The following ADGRB1 variants were observed in gnomAD, a reference collection of about 807,000 sequenced individuals.
ADGRB1 encodes adhesion G protein-coupled receptor B1, also known as brain-specific angiogenesis inhibitor 1.
Under a neutral mutation model 175.7 loss-of-function variants are expected in ADGRB1, and 36 were observed. The ratio of observed to expected loss-of-function variants is 0.20; its 90% CI spans 0.16 to 0.27. The LOEUF is 0.27. Ranked by LOEUF, ADGRB1 falls within the 10% of genes least tolerant of loss-of-function variation. ADGRB1 has a pLI of 1.00. For synonymous variants in ADGRB1, 1,054 were observed against 979.4 expected (o/e 1.08, Z -1.42); for missense variants, 1,731 against 2,255.3 (o/e 0.77, Z 4.71).
In ADGRB1 at chr8:142,455,338, C is replaced by G. The variant is rs928927973; in HGVS notation, c.-220+5234C>G. On this transcript the variant is annotated intron_variant, in intron 1 of 30. Transcript: ENST00000517894. The surrounding 1 kb of genome is among the most constrained non-coding windows in gnomAD (Gnocchi z 4.9). ...TTGGCCCCCACCTTAGGCTCCTGTC[C>G]CCTTCACTCGCCCCCATGGCTGTCC... Among the ~76,000 whole-genome samples the G allele has an allele frequency of 2.0e-5, 3 of 152,030 alleles. No homozygotes were observed. The East Asian group carries it at 5.8e-4, about 30-fold the overall frequency.
At chr8:142,530,148 CATGTGCCTGT>C (rs1334647209) in intron 24 of ADGRB1, among the ~76,000 whole-genome samples, 1 of 151,832 alleles carries the variant, frequency 6.6e-6, no homozygotes, top group Non-Finnish European at 1.5e-5. Flanking sequence ...TATAATTGGG[CATGTGCCTGT>C]GTGTGCGTGT....
At chr8:142,529,335 T>C (rs2132191356) in intron 24 of ADGRB1, among the ~76,000 whole-genome samples, 1 of 152,132 alleles carries the variant, frequency 6.6e-6, no homozygotes, top group Non-Finnish European at 1.5e-5. Context: ...TGTGTGCAGA[T>C]GTGTTTGTGT....
chr8:142,529,580 A>G (rs958005843), intron 24 of ADGRB1, among the ~76,000 whole-genome samples: 1 of 150,814 alleles, frequency 6.6e-6, no homozygotes, highest in Non-Finnish European at 1.5e-5. Flanking sequence ...CCCACTGTGC[A>G]TGTGTGAGCG....
Position 142,544,279 on chromosome 8 carries a change from G to A in ADGRB1, c.4617G>A (p.Gly1539=), listed in dbSNP as rs1437994161. The A allele has an allele frequency of 2.6e-6, 4 of 1,549,296 alleles. No individual in the cohort carries two copies. The highest frequency in any genetic ancestry group is 1.4e-5 in the African/African-American group (1 of 73,012). The change falls in exon 31 of 31, where the codon GGG becomes GGA. Residue 1539 remains glycine (G), a synonymous_variant. Transcript: ENST00000517894. ...RPWESLRKAH[G]TPTWVKKELE... The stretch of plus-strand genomic sequence containing the variant: ...GGGAGAGCCTCCGGAAAGCCCACGG[G>A]ACGCCCACGTGGGTGAAGAAGGAGC...
intron 13 of ADGRB1, among the ~76,000 whole-genome samples, chr8:142,486,190 C>T (rs1841660085): frequency 6.6e-6 from 1 of 152,194 alleles, no homozygotes; most frequent in South Asian, 2.1e-4. Flanking sequence ...CTTCTCTGCC[C>T]AGGCCCCCAC....
Position 142,464,423 on chromosome 8 carries a change from G to A in ADGRB1, c.225G>A (p.Pro75=). ...ASRCSWTLRN[P]DPRRYTLYMK... ...GCTGCTCCTGGACGCTACGCAACCC[G>A]GACCCGCGGCGCTACACTCTCTACA... Residue 75 remains proline, a synonymous_variant, in exon 2 of 31, where the codon CCG becomes CCA. Coordinates refer to ENST00000517894, the MANE Select transcript of ADGRB1 (RefSeq NM_001702.3). 1.3e-6 allele frequency: 2 copies of A among 1,554,946 alleles called. No individual in the cohort carries two copies. Among genetic ancestry groups the A allele is most frequent in the Non-Finnish European group, 1.7e-6 (2 of 1,154,684 alleles).
intron 20 of ADGRB1, 83 bp downstream of exon 20, chr8:142,521,008 G>A (rs1202297314): frequency 5.1e-6 from 7 of 1,368,930 alleles, no homozygotes; most frequent in Admixed American, 3.9e-5. Flanking sequence ...TGGACCGTGG[G>A]ATCCCTGGGA....
intron 19 of ADGRB1, among the ~76,000 whole-genome samples, chr8:142,520,412 TGATAG>T (rs1843742114): frequency 3.3e-5 from 1 of 30,642 alleles, no homozygotes; most frequent in African/African-American, 1.0e-4. Flanking sequence ...TTGGTAATGG[TGATAG>T]TGGTAATGAT....
chr8:142,539,051 C>T (rs1845106828), intron 26 of ADGRB1, among the ~76,000 whole-genome samples: 2 of 152,326 alleles, frequency 1.3e-5, no homozygotes, highest in South Asian at 4.1e-4. Flanking sequence ...GTACAAAACA[C>T]TCAGATGCAT....
rs1386656614 is a variant in ADGRB1 at position 142,495,156 on chromosome 8, C to T, written c.2675+4341C>T. ...GTTCTTGGTAGGCAGTGTGGACAAG[C>T]GGGGGTGTGGATAATCTGTGGGAGC... On this transcript the variant is annotated intron_variant, in intron 17 of 30. Coordinates refer to ENST00000517894, the MANE Select transcript of ADGRB1 (RefSeq NM_001702.3). Among the ~76,000 whole-genome samples the T allele has an allele frequency of 4.6e-5, 7 of 152,000 alleles. No homozygotes were observed. The South Asian group carries it at 8.3e-4, about 18-fold the overall frequency.
Position 142,544,463 on chromosome 8 carries a change from GC to G in ADGRB1, c.*47del. The G allele has an allele frequency of 7.1e-7, 1 of 1,417,446 alleles. No individual in the cohort carries two copies. The allele number at this position is 1,417,446 out of a possible 1,614,324, so 87.8% of individuals were successfully genotyped here. On this transcript the variant is annotated 3_prime_UTR_variant, in exon 31 of 31. Coordinates refer to ENST00000517894, the MANE Select transcript of ADGRB1 (RefSeq NM_001702.3). ...CACTGGGCCACGGAGGAGGGATGCT[GC>G]TCCGCCCGCTCCTGCCGCAGACGGG...
rs1478845091 is a variant in ADGRB1 at position 142,537,752 on chromosome 8, G to C, written c.3666+670G>C. Among the ~76,000 whole-genome samples, 2 of 152,136 alleles carry C rather than the reference G, an allele frequency of 1.3e-5. No homozygotes were observed. The highest frequency in any genetic ancestry group is 2.9e-5 in the Non-Finnish European group (2 of 68,012). On this transcript the variant is annotated intron_variant, in intron 26 of 30. Transcript: ENST00000517894. This position sits in a 1 kb window ranked among gnomAD's most constrained non-coding sequence, Gnocchi z 4.6. The stretch of plus-strand genomic sequence containing the variant: ...CACAGCGTTCCCACGACACGCACAG[G>C]TCCTGGGAGGGCGGCCCAAGTGGCG...
At chr8:142,530,280 G>A (rs1844547506) in intron 24 of ADGRB1, among the ~76,000 whole-genome samples, 1 of 152,110 alleles carries the variant, frequency 6.6e-6, no homozygotes, top group Admixed American at 6.5e-5. Flanking sequence ...GGCAGCCAGG[G>A]CCAAGGGAAC....
chr8:142,520,972 G>C, intron 20 of ADGRB1, 47 bp downstream of exon 20: 1 of 1,540,980 alleles, frequency 6.5e-7, no homozygotes, highest in Non-Finnish European at 8.9e-7. Flanking sequence ...ATCCTCGGGT[G>C]GTGAGGATGG....
chr8:142,518,286 C>T (rs768792965), intron 19 of ADGRB1, 45 bp downstream of exon 19: 5 of 1,592,038 alleles, frequency 3.1e-6, no homozygotes, highest in Non-Finnish European at 4.3e-6. Flanking sequence ...GTGGCTCCTG[C>T]ATCACACGCC....
At chr8:142,523,241 C>T (rs1042454685) in intron 22 of ADGRB1, among the ~76,000 whole-genome samples, 4 of 152,034 alleles carry the variant, frequency 2.6e-5, no homozygotes, top group Non-Finnish European at 5.9e-5. Flanking sequence ...ATCCTAGAGG[C>T]AGTATGGTTC....
At chr8:142,466,327 C>T (rs970150042) in intron 2 of ADGRB1, among the ~76,000 whole-genome samples, 7 of 152,192 alleles carry the variant, frequency 4.6e-5, no homozygotes, top group South Asian at 2.1e-4. Context: ...AAATAGGCTA[C>T]GCAGGGCTAC....
In ADGRB1 at chr8:142,455,360, GTCC is replaced by G. The variant is rs1839609671; in HGVS notation, c.-220+5261_-220+5263del. Among the ~76,000 whole-genome samples, 1 of 151,976 alleles carries G rather than the reference GTCC, an allele frequency of 6.6e-6. No homozygotes were observed. Among genetic ancestry groups the G allele is most frequent in the Admixed American group, 6.6e-5 (1 of 15,262 alleles). On this transcript the variant is annotated intron_variant, in intron 1 of 30. Transcript: ENST00000517894. This position sits in a 1 kb window ranked among gnomAD's most constrained non-coding sequence, Gnocchi z 4.9. ...GTCCCCTTCACTCGCCCCCATGGCTGTCCTCCTGCTTGTGGCGTTCTGTTCTCT... is the reference window on the plus strand; with the variant it reads ...GTCCCCTTCACTCGCCCCCATGGCTGTCCTGCTTGTGGCGTTCTGTTCTCT...
chr8:142,489,438 T>A lies in ADGRB1; in HGVS notation c.2631T>A (p.Asn877Lys). The change falls in exon 16 of 31, where the codon AAT (asparagine) becomes AAA (lysine). Residue 877 changes from asparagine to lysine, a missense_variant and splice_region_variant. Transcript: ENST00000517894. ...PLEIEFAHMY[N>K]GTTNQTCILW... ...AGATCGAGTTTGCCCACATGTATAA[T>A]GTGAGTGCCGTCCACGTGCACACTC... 6.2e-7 allele frequency: 1 copy of A among 1,612,474 alleles called. No homozygotes were observed. The highest frequency in any genetic ancestry group is 8.5e-7 in the Non-Finnish European group (1 of 1,179,530).
Sources: allele counts gnomAD v4.1 joint callset (sites outside exome capture counted in the v4.1 genomes callset), GRCh38; gene constraint gnomAD v4.1.1; non-coding constraint Gnocchi (gnomAD v3.1); transcripts MANE v1.5; gene names NCBI Gene and HGNC (gene_info 2026-07-23, HGNC 2026-07-21).